The following C3orf49 variants were observed in gnomAD, a reference collection of about 807,000 sequenced individuals.
C3orf49 encodes chromosome 3 open reading frame 49, also known as putative uncharacterized protein C3orf49.
A neutral mutation model predicts 13.3 loss-of-function variants in C3orf49; 27 were observed. The observed-to-expected ratio is 2.02, with a 90% CI of 1.49 to 2.79. C3orf49 has a LOEUF of 2.79. Ranked by LOEUF, C3orf49 falls within the 30% of genes most tolerant of loss-of-function variation. The pLI is 0.00. For missense variants in C3orf49, 242 were observed against 134.2 expected (o/e 1.80, Z -3.97); for synonymous variants, 87 against 47.6 (o/e 1.83, Z -3.40).
the C3orf49 span, among the ~76,000 whole-genome samples, chr3:63,793,526 G>A: frequency 6.6e-6 from 1 of 151,754 alleles, no homozygotes; most frequent in Non-Finnish European, 1.5e-5. Context: ...CGAGTCTCCA[G>A]CACTCCCCAC....
chr3:63,838,008 A>C, intron 5 of C3orf49: 1 of 1,609,824 alleles, frequency 6.2e-7, no homozygotes, highest in Non-Finnish European at 8.5e-7. Flanking sequence ...TTTTGCTTGA[A>C]GAATTTGCTT....
chr3:63,783,600 C>T, the C3orf49 span, among the ~76,000 whole-genome samples: 1 of 151,394 alleles, frequency 6.6e-6, no homozygotes, highest in East Asian at 1.9e-4. Flanking sequence ...CACATGTAGT[C>T]CCAGCTACTT....
At chr3:63,809,661 T>C in the C3orf49 span, among the ~76,000 whole-genome samples, 1 of 152,106 alleles carries the variant, frequency 6.6e-6, no homozygotes, top group African/African-American at 2.4e-5. Context: ...TTGCTCTCCC[T>C]CCCTCTGTTC....
intron 1 of C3orf49, 123 bp downstream of exon 1, chr3:63,819,719 C>T (rs1352281953): frequency 1.0e-5 from 6 of 602,894 alleles, no homozygotes; most frequent in East Asian, 2.8e-5. Context: ...GAGGGTACTG[C>T]GTTGGATCAA....
In C3orf49 at chr3:63,823,766, TTGTGTGTGTGTGTGTG is replaced by T. The variant is rs55765936; in HGVS notation, c.445+233_445+248del. 8.2e-4 allele frequency among the ~76,000 whole-genome samples: 101 copies of T among 123,056 alleles called. No homozygotes were observed. The East Asian group carries it at 0.011, about 13-fold the overall frequency. 80.7% of individuals were successfully genotyped at this position (123,056 alleles called of 152,430 possible). On this transcript the variant is annotated intron_variant, in intron 2 of 6. Coordinates refer to ENST00000295896, the MANE Select transcript of C3orf49 (RefSeq NM_001355236.2). ...TCAGTTGGCTTGTATGTTCATACCG[TTGTGTGTGTGTGTGTG>T]TGTGTGTGTGTGTGTGTGTGTGTGT...
At chr3:63,819,688 G>A (rs1317186717) in intron 1 of C3orf49, 92 bp downstream of exon 1, 8 of 674,372 alleles carry the variant, frequency 1.2e-5, no homozygotes. Context: ...TAGGAATGAG[G>A]ACTCTGGATG....
At chr3:63,797,327 A>C in the C3orf49 span, among the ~76,000 whole-genome samples, 36 of 152,242 alleles carry the variant, frequency 2.4e-4, 1 homozygote, top group East Asian at 6.8e-3. Flanking sequence ...AGTCCCAGAT[A>C]ATATAAGGCT....
intron 1 of C3orf49, among the ~76,000 whole-genome samples, chr3:63,821,804 A>C (rs1368063142): frequency 2.0e-5 from 3 of 152,088 alleles, no homozygotes; most frequent in East Asian, 3.9e-4. Context: ...AGGGGGGACC[A>C]GTGGATAGTG....
the C3orf49 span, among the ~76,000 whole-genome samples, chr3:63,797,500 A>G: frequency 0.12 from 17,492 of 152,092 alleles, 1,833 homozygotes; most frequent in African/African-American, 0.27. Context: ...TAAAACTTAC[A>G]AAAGTGTAGG....
chr3:63,832,816 T>C (rs753197739), intron 5 of C3orf49: 10 of 152,162 alleles, frequency 6.6e-5, no homozygotes, highest in Non-Finnish European at 1.3e-4. Flanking sequence ...CAGATGAAAT[T>C]AGAGGAAGCA....
At chr3:63,816,498 A>G (rs1395424200), upstream of C3orf49, among the ~76,000 whole-genome samples, 1 of 151,792 alleles carries the variant, frequency 6.6e-6, no homozygotes, top group Non-Finnish European at 1.5e-5. Context: ...AGGCACAAGA[A>G]TCGCTTGAAC....
At chr3:63,782,984 A>G in the C3orf49 span, 1 of 152,186 alleles carries the variant, frequency 6.6e-6, no homozygotes, top group Non-Finnish European at 1.5e-5. Flanking sequence ...TTTAACAGAG[A>G]TGTGTAGGGG....
chr3:63,784,507 A>T, the C3orf49 span, among the ~76,000 whole-genome samples: 2 of 152,306 alleles, frequency 1.3e-5, no homozygotes, highest in African/African-American at 4.8e-5. Context: ...CTACTAAAAA[A>T]ATATATAAAG....
At chr3:63,827,237 T>C (rs1385843844) in intron 2 of C3orf49, 1 of 164,288 alleles carries the variant, frequency 6.1e-6, no homozygotes, top group East Asian at 1.7e-4. Context: ...CGAAAATAGA[T>C]AGAAAATTTG....
At chr3:63,789,810 CAAAAAAAAAA>C in the C3orf49 span, among the ~76,000 whole-genome samples, 5 of 49,640 alleles carry the variant, frequency 1.0e-4, no homozygotes, top group Admixed American at 4.6e-4. Context: ...GACTCTGTCT[CAAAAAAAAAA>C]AAAAAAAAAA....
At chr3:63,781,293 T>G in the C3orf49 span, among the ~76,000 whole-genome samples, 1 of 151,702 alleles carries the variant, frequency 6.6e-6, no homozygotes, top group Admixed American at 6.6e-5. Context: ...AAAGATCAGA[T>G]AGTTGTAGAT....
intron 2 of C3orf49, 171 bp from the exon 3 acceptor site, chr3:63,827,430 G>T (rs946005758): frequency 9.4e-6 from 5 of 533,820 alleles, no homozygotes; most frequent in African/African-American, 1.9e-5. Flanking sequence ...GCGTGCAGGA[G>T]AAAGTGTAAG....
upstream of C3orf49, among the ~76,000 whole-genome samples, chr3:63,819,114 GTTTGA>G (rs748717874): frequency 2.0e-3 from 310 of 152,024 alleles, 10 homozygotes; most frequent in East Asian, 0.058. Flanking sequence ...TGTTGTTGTT[GTTTGA>G]TTTTTTTTTT....
chr3:63,833,810 T>C (rs1474041213), intron 5 of C3orf49: 1 of 203,900 alleles, frequency 4.9e-6, no homozygotes, highest in Non-Finnish European at 9.7e-6. Context: ...CAACTTATTT[T>C]GTAAGCCAAT....
Sources: allele counts gnomAD v4.1 joint callset (sites outside exome capture counted in the v4.1 genomes callset), GRCh38; gene constraint gnomAD v4.1.1; transcripts MANE v1.5; gene names NCBI Gene and HGNC (gene_info 2026-07-23, HGNC 2026-07-21).